The following TNIK variants were observed in gnomAD, a reference collection of about 807,000 sequenced individuals.
The protein encoded by TNIK is TRAF2 and NCK interacting kinase.
Under a neutral mutation model 191.3 loss-of-function variants are expected in TNIK, and 49 were observed. The ratio of observed to expected loss-of-function variants is 0.26; its 90% CI spans 0.20 to 0.32. The LOEUF is 0.32. Among genes scored for constraint, TNIK ranks in the 10% least tolerant of loss-of-function variants. TNIK has a pLI of 1.00. For synonymous variants in TNIK, 594 were observed against 600.9 expected (o/e 0.99, Z 0.17); for missense variants, 1,155 against 1,702.3 (o/e 0.68, Z 5.66).
intron 9 of TNIK, 77 bp from the exon 10 acceptor site, chr3:171,167,347 G>C (rs1734737617): frequency 1.3e-6 from 2 of 1,544,756 alleles, no homozygotes; most frequent in Admixed American, 3.9e-5. Context: ...CTGAAATGCT[G>C]GGACTTTTTC....
At chr3:171,396,302 G>C (rs144951923) in intron 1 of TNIK, among the ~76,000 whole-genome samples, 1 of 152,084 alleles carries the variant, frequency 6.6e-6, no homozygotes, top group African/African-American at 2.4e-5. Flanking sequence ...CCTTTTTATG[G>C]CCAAGCAACA....
intron 1 of TNIK, among the ~76,000 whole-genome samples, chr3:171,400,868 G>A (rs1720868549): frequency 1.3e-5 from 2 of 152,164 alleles, no homozygotes; most frequent in African/African-American, 2.4e-5. Flanking sequence ...GGCTTCTACT[G>A]GTGCTGATGA....
At chr3:171,113,217 G>A (rs1041909539) in intron 18 of TNIK, among the ~76,000 whole-genome samples, 1 of 152,104 alleles carries the variant, frequency 6.6e-6, no homozygotes, top group African/African-American at 2.4e-5. Flanking sequence ...GTAGCTTGTG[G>A]AGTCTTTGTA....
At chr3:171,263,631 T>A (rs1747964839) in intron 2 of TNIK, among the ~76,000 whole-genome samples, 1 of 152,152 alleles carries the variant, frequency 6.6e-6, no homozygotes, top group Non-Finnish European at 1.5e-5. Flanking sequence ...ATTTTTCCTT[T>A]AGGAAAAATT....
intron 2 of TNIK, among the ~76,000 whole-genome samples, chr3:171,241,726 G>A (rs1486616968): frequency 2.0e-5 from 3 of 152,190 alleles, no homozygotes; most frequent in African/African-American, 7.2e-5. Context: ...AGTTAAGAAT[G>A]AGGCTGTGCT....
chr3:171,455,517 A>T (rs1327142052), intron 1 of TNIK, among the ~76,000 whole-genome samples: 1 of 151,956 alleles, frequency 6.6e-6, no homozygotes, highest in Non-Finnish European at 1.5e-5. Flanking sequence ...CTGGGATTAC[A>T]GGTGTGAGCC....
chr3:171,252,508 C>T (rs1304954751), intron 2 of TNIK, among the ~76,000 whole-genome samples: 1 of 152,190 alleles, frequency 6.6e-6, no homozygotes, highest in Middle Eastern at 3.2e-3. Context: ...CATTAGGAAG[C>T]TGCCTTATGT....
chr3:171,166,371 A>G (rs1021647639), intron 10 of TNIK, among the ~76,000 whole-genome samples: 5 of 152,246 alleles, frequency 3.3e-5, no homozygotes, highest in African/African-American at 1.2e-4. Flanking sequence ...AATATACAGT[A>G]TTAGCATACC....
chr3:171,281,149 G>A (rs995750267), intron 2 of TNIK, among the ~76,000 whole-genome samples: 2 of 151,930 alleles, frequency 1.3e-5, no homozygotes, highest in African/African-American at 4.8e-5. Flanking sequence ...CCCAGGTTTT[G>A]CTTGGATAGA....
chr3:171,357,379 C>A (rs1714248613), intron 2 of TNIK, among the ~76,000 whole-genome samples: 1 of 151,530 alleles, frequency 6.6e-6, no homozygotes, highest in Non-Finnish European at 1.5e-5. Flanking sequence ...ACCTCCATCT[C>A]CCAGGTTCAA....
chr3:171,170,261 C>T (rs931110665), intron 9 of TNIK, among the ~76,000 whole-genome samples: 3 of 152,188 alleles, frequency 2.0e-5, no homozygotes, highest in Non-Finnish European at 4.4e-5. Flanking sequence ...GTTCTACTAT[C>T]AGAGTCACTA....
intron 15 of TNIK, among the ~76,000 whole-genome samples, chr3:171,132,862 G>A (rs920561506): frequency 6.6e-6 from 1 of 152,174 alleles, no homozygotes; most frequent in Admixed American, 6.5e-5. Context: ...ATTAATACAT[G>A]GTGAATTCAA....
At chr3:171,232,995 C>G (rs1409614610) in intron 2 of TNIK, among the ~76,000 whole-genome samples, 2 of 152,186 alleles carry the variant, frequency 1.3e-5, no homozygotes, top group African/African-American at 2.4e-5. Flanking sequence ...GAGCTGCTAG[C>G]CTAAGGCTAG....
At chr3:171,339,046 C>T (rs563004544) in intron 2 of TNIK, among the ~76,000 whole-genome samples, 2 of 152,338 alleles carry the variant, frequency 1.3e-5, no homozygotes, top group African/African-American at 4.8e-5. Flanking sequence ...TTCATGCATC[C>T]CTTTAACAAA....
At chr3:171,315,037 A>ACCCC (rs564418819) in intron 2 of TNIK, among the ~76,000 whole-genome samples, 1 of 151,664 alleles carries the variant, frequency 6.6e-6, no homozygotes, top group Non-Finnish European at 1.5e-5. Context: ...ACAACCACAA[A>ACCCC]CCCCCCCTCC....
At chr3:171,108,916 A>G (rs1393968695) in intron 19 of TNIK, among the ~76,000 whole-genome samples, 1 of 152,170 alleles carries the variant, frequency 6.6e-6, no homozygotes, top group Non-Finnish European at 1.5e-5. Context: ...TTACAGATAG[A>G]GAAGATGCAA....
chr3:171,278,463 T>C (rs892930351), intron 2 of TNIK, among the ~76,000 whole-genome samples: 18 of 152,314 alleles, frequency 1.2e-4, no homozygotes, highest in Admixed American at 5.9e-4. Context: ...AGATATCCTA[T>C]AGATACTTAT....
chr3:171,084,988 A>T, intron 25 of TNIK, 130 bp downstream of exon 25: 1 of 622,682 alleles, frequency 1.6e-6, no homozygotes, highest in Non-Finnish European at 2.6e-6. Context: ...AATTTTAAAA[A>T]GTCTTCCTTT....
At chr3:171,140,603 A>G (rs1385413382) in intron 12 of TNIK, 94 bp from the exon 13 acceptor site, 4 of 1,160,634 alleles carry the variant, frequency 3.4e-6, no homozygotes, top group Non-Finnish European at 5.1e-6. Flanking sequence ...CCCAGACATG[A>G]ACTTTTAATG....
Sources: gnomAD v4.1 joint callset for allele counts (sites outside exome capture counted in the v4.1 genomes callset) on GRCh38, gnomAD v4.1.1 for gene constraint, MANE v1.5 for transcripts, NCBI Gene and HGNC (gene_info 2026-07-23, HGNC 2026-07-21) for gene names.